Variants in PAFAH2 observed in about 807,000 individuals in gnomAD.
PAFAH2 encodes platelet activating factor acetylhydrolase 2.
In PAFAH2, 42 loss-of-function variants were observed where a neutral mutation model predicts 49.0. The ratio of observed to expected loss-of-function variants is 0.86; its 90% CI spans 0.67 to 1.11. The LOEUF (loss-of-function observed/expected upper bound fraction) is 1.11, where lower values mean the gene tolerates loss of function less well. PAFAH2 is among the 50% of genes least tolerant of loss of function. The probability of loss-of-function intolerance (pLI) is 0.00; values close to 1 mark genes in which losing one functional copy is unlikely to be tolerated. For synonymous variants in PAFAH2, 184 were observed against 181.3 expected (o/e 1.01, Z -0.12); for missense variants, 503 against 501.8 (o/e 1.00, Z -0.02).
Position 25,961,824 on chromosome 1 carries a change from A to G in PAFAH2, c.*165T>C, listed in dbSNP as rs936600257. 34 of 562,384 alleles carry G rather than the reference A, an allele frequency of 6.0e-5. No homozygotes were observed. In the Middle Eastern group the frequency reaches 2.0e-3, roughly 33 times the overall value. 34.8% of individuals were successfully genotyped at this position (562,384 alleles called of 1,614,324 possible). A position where few individuals can be genotyped will look rare whatever the true frequency, so the allele number is the denominator to read the frequency against. On this transcript the variant is annotated 3_prime_UTR_variant, in exon 11 of 11. Transcript: ENST00000374282. ...AGTCCCAAAGTGATTTTAAGATCAA[A>G]TCTAAGATCAAAGTACCCAGTTATC...
chr1:25,978,401 C>T (rs907929383), intron 7 of PAFAH2, among the ~76,000 whole-genome samples: 2 of 152,162 alleles, frequency 1.3e-5, no homozygotes, highest in African/African-American at 4.8e-5. Context: ...TCTTTTCATA[C>T]ACCTGGCGCT....
chr1:25,995,092 T>C (rs554720720), intron 1 of PAFAH2, among the ~76,000 whole-genome samples: 1 of 152,336 alleles, frequency 6.6e-6, no homozygotes, highest in East Asian at 1.9e-4. Context: ...TATGTGTCTC[T>C]ACCTTCTTTT....
intron 4 of PAFAH2, 130 bp downstream of exon 4, chr1:25,988,101 C>T (rs985256483): frequency 4.4e-5 from 28 of 634,152 alleles, no homozygotes; most frequent in Non-Finnish European, 5.5e-5. Context: ...TGCTATGGGA[C>T]GAAGCAGATG....
intron 10 of PAFAH2, among the ~76,000 whole-genome samples, chr1:25,963,860 G>A (rs929421045): frequency 5.9e-5 from 9 of 152,184 alleles, no homozygotes; most frequent in Non-Finnish European, 8.8e-5. Flanking sequence ...GAGATTTGAG[G>A]CCAGGCTTGA....
chr1:25,981,456 G>A (rs2049687301), intron 7 of PAFAH2, among the ~76,000 whole-genome samples: 1 of 152,032 alleles, frequency 6.6e-6, no homozygotes, highest in Non-Finnish European at 1.5e-5. Context: ...TACCCTCCCG[G>A]GAGGGTTCTT....
intron 4 of PAFAH2, among the ~76,000 whole-genome samples, chr1:25,986,016 C>T (rs1176554185): frequency 6.6e-6 from 1 of 152,188 alleles, no homozygotes; most frequent in Non-Finnish European, 1.5e-5. Context: ...CAGGCACTGT[C>T]CTAGAAGCCA....
At chr1:25,977,809 T>TG (rs1329271555) in intron 7 of PAFAH2, among the ~76,000 whole-genome samples, 1 of 152,080 alleles carries the variant, frequency 6.6e-6, no homozygotes, top group Admixed American at 6.6e-5. Flanking sequence ...CCATGACACA[T>TG]GGACTGAGCT....
intron 10 of PAFAH2, among the ~76,000 whole-genome samples, chr1:25,968,875 G>A (rs192164685): frequency 1.0e-3 from 152 of 152,146 alleles, no homozygotes; most frequent in Non-Finnish European, 1.7e-3. Context: ...GATTATAGAC[G>A]TGAGCCACTG....
intron 7 of PAFAH2, among the ~76,000 whole-genome samples, chr1:25,980,761 T>A (rs561003116): frequency 6.6e-6 from 1 of 151,838 alleles, no homozygotes; most frequent in Non-Finnish European, 1.5e-5. Context: ...CTCACACCTG[T>A]AATCCCAACA....
At chr1:25,970,916 CAA>C (rs1426265624) in intron 10 of PAFAH2, among the ~76,000 whole-genome samples, 1 of 150,198 alleles carries the variant, frequency 6.7e-6, no homozygotes, top group South Asian at 2.2e-4. Context: ...GAAGGGGCAC[CAA>C]AAAACAGCGA....
In PAFAH2 at chr1:25,965,736, T is replaced by C. The variant is rs12565672; in HGVS notation, c.1085-3653A>G. On this transcript the variant is annotated intron_variant, in intron 10 of 10. Coordinates refer to ENST00000374282, the MANE Select transcript of PAFAH2 (RefSeq NM_000437.4). The stretch of plus-strand genomic sequence containing the variant: ...AGGAGGCTGAGGTAGGAGAATCACT[T>C]GAACCTGGGGGGCAGAGGTCACAGT... Among the ~76,000 whole-genome samples, 891 of 147,694 alleles carry C rather than the reference T, an allele frequency of 6.0e-3. 28 individuals carry two copies. The highest frequency in any genetic ancestry group is 0.044 in the Admixed American group (639 of 14,518).
rs981360236 is a variant in PAFAH2 at position 25,988,398 on chromosome 1, G to T, written c.245-71C>A. ...TTATCCCAAGGGCAGCCTGAGTATA[G>T]GTATGGGTGGGGACATGTGTTTCTC... On this transcript the variant is annotated intron_variant, in intron 3 of 10. Coordinates refer to ENST00000374282, the MANE Select transcript of PAFAH2 (RefSeq NM_000437.4). 7.3e-6 allele frequency: 8 copies of T among 1,089,672 alleles called. No individual in the cohort carries two copies. In the Admixed American group the frequency reaches 7.4e-5, roughly 10 times the overall value. The allele number at this position is 1,089,672 out of a possible 1,614,324, so 67.5% of individuals were successfully genotyped here. A position where few individuals can be genotyped will look rare whatever the true frequency, so the allele number is the denominator to read the frequency against.
At chr1:25,974,444 G>A (rs747742125) in intron 9 of PAFAH2, 36 bp downstream of exon 9, 8 of 1,510,516 alleles carry the variant, frequency 5.3e-6, no homozygotes, top group Non-Finnish European at 7.1e-6. Context: ...GGCAAATGGA[G>A]AGGGCCCTGG....
chr1:25,985,651 A>T (rs1330182672), intron 4 of PAFAH2, among the ~76,000 whole-genome samples: 2 of 152,214 alleles, frequency 1.3e-5, no homozygotes, highest in Non-Finnish European at 2.9e-5. Context: ...ATCTTCCTGA[A>T]GGTAGGAATT....
chr1:25,972,778 C>T (rs977530331), intron 9 of PAFAH2, 66 bp from the exon 10 acceptor site: 34 of 1,533,666 alleles, frequency 2.2e-5, no homozygotes, highest in Non-Finnish European at 2.8e-5. Context: ...GTGTTAGGCA[C>T]CTACTATGTG....
At position 25,990,855 on chromosome 1, in the gene PAFAH2, A is replaced by T; in HGVS notation, c.-39T>A. ...GAATCAAATGACTTGCCGGAGCTGA[A>T]CTTGCTGGCTGGATGGGGGAACACA... On this transcript the variant is annotated 5_prime_UTR_variant, in exon 2 of 11. Coordinates refer to ENST00000374282, the MANE Select transcript of PAFAH2 (RefSeq NM_000437.4). The T allele has an allele frequency of 1.3e-6, 2 of 1,554,332 alleles. No individual in the cohort carries two copies. The highest frequency in any genetic ancestry group is 1.8e-6 in the Non-Finnish European group (2 of 1,126,126).
rs781410697 is a variant in PAFAH2, at chr1:25,972,585, T to C, written c.1057A>G (p.Met353Val). 15 of 1,613,664 alleles carry C rather than the reference T, an allele frequency of 9.3e-6. No individual in the cohort carries two copies. The Admixed American group carries it at 2.0e-4, about 22-fold the overall frequency. ...AGGTGCTTCTGCAGGAAGGCCAACA[T>C]GGCCCGTACCATAACCTCCTGCCCT... ...YEGQEVMVRA[M>V]LAFLQKHLDL... Residue 353 changes from methionine to valine, a missense_variant, in exon 10 of 11, where the codon ATG (methionine) becomes GTG (valine). Physicochemically the swap from Met to Val is conservative, Grantham distance 21. Coordinates refer to ENST00000374282, the MANE Select transcript of PAFAH2 (RefSeq NM_000437.4).
At chr1:25,992,709 G>A (rs1045342848) in intron 1 of PAFAH2, among the ~76,000 whole-genome samples, 3 of 152,204 alleles carry the variant, frequency 2.0e-5, no homozygotes, top group Admixed American at 1.3e-4. Context: ...CAATGTGGTT[G>A]TAACATGAGA....
At chr1:25,987,749 G>A (rs985574210) in intron 4 of PAFAH2, among the ~76,000 whole-genome samples, 5 of 151,924 alleles carry the variant, frequency 3.3e-5, no homozygotes, top group East Asian at 1.9e-4. Context: ...ATAGCCAGGC[G>A]TGGTGGTACG....
Sources: allele counts gnomAD v4.1 joint callset (sites outside exome capture counted in the v4.1 genomes callset), GRCh38; gene constraint gnomAD v4.1.1; transcripts MANE v1.5; gene names NCBI Gene and HGNC (gene_info 2026-07-23, HGNC 2026-07-21).